DLG2: variants seen among roughly 807,000 people sequenced by gnomAD.
DLG2 encodes disks large homolog 2.
Under a neutral mutation model 132.5 loss-of-function variants are expected in DLG2, and 45 were observed. That is an observed-to-expected ratio of 0.34 (90% CI 0.27 to 0.44). The LOEUF is 0.44. Ranked by LOEUF, DLG2 falls within the 20% of genes least tolerant of loss-of-function variation. The pLI, the probability that DLG2 is intolerant of heterozygous loss-of-function variation, is 1.00. For missense variants in DLG2, 1,045 were observed against 1,196.9 expected (o/e 0.87, Z 1.87); for synonymous variants, 424 against 419.6 (o/e 1.01, Z -0.13).
intron 8 of DLG2, among the ~76,000 whole-genome samples, chr11:84,188,815 T>A (rs2096339359): frequency 6.6e-6 from 1 of 152,024 alleles, no homozygotes; most frequent in Non-Finnish European, 1.5e-5. Context: ...AGTGATTATT[T>A]ATTTAAAAAA....
At chr11:84,608,937 G>A (rs984018750) in intron 6 of DLG2, among the ~76,000 whole-genome samples, 4 of 152,170 alleles carry the variant, frequency 2.6e-5, no homozygotes, top group African/African-American at 9.7e-5. Context: ...TAGAAAGAGG[G>A]TCACACATCT....
intron 6 of DLG2, among the ~76,000 whole-genome samples, chr11:84,949,496 T>G (rs890811675): frequency 2.2e-5 from 3 of 135,456 alleles, no homozygotes; most frequent in African/African-American, 8.1e-5. Context: ...CCCTGCAGTC[T>G]CAACCATAAG....
At chr11:83,829,810 A>G (rs139097456) in intron 17 of DLG2, among the ~76,000 whole-genome samples, 1,964 of 151,898 alleles carry the variant, frequency 0.013, 54 homozygotes, top group African/African-American at 0.045. Context: ...GGTTTGTTAC[A>G]TATGTACACA....
At chr11:85,074,813 A>C (rs1349912512) in intron 6 of DLG2, among the ~76,000 whole-genome samples, 4 of 151,926 alleles carry the variant, frequency 2.6e-5, no homozygotes, top group Non-Finnish European at 5.9e-5. Context: ...GCCCTAGTAC[A>C]TGCATGAAAA....
Position 83,472,603 on chromosome 11 carries a change from G to A in DLG2, c.2344+124C>T, listed in dbSNP as rs547159974. On this transcript the variant is annotated intron_variant, in intron 23 of 27. Transcript: ENST00000376104. Reference sequence around the variant, plus strand: ...GAGAGACAGCGTAAGAGTAAGGTACGGTCTCAAGACAACAGAGCATTAAGC... The same window carrying A: ...GAGAGACAGCGTAAGAGTAAGGTACAGTCTCAAGACAACAGAGCATTAAGC... The A allele has an allele frequency of 2.2e-5, 17 of 764,242 alleles. No homozygotes were observed. In the East Asian group the frequency reaches 2.9e-4, roughly 13 times the overall value. 47.3% of individuals were successfully genotyped at this position (764,242 alleles called of 1,614,324 possible).
At chr11:84,405,065 TAAGG>T (rs1354622228) in intron 7 of DLG2, among the ~76,000 whole-genome samples, 1 of 151,974 alleles carries the variant, frequency 6.6e-6, no homozygotes, top group Non-Finnish European at 1.5e-5. Context: ...ATTCTTGTAA[TAAGG>T]AAGAGGGGGG....
At chr11:84,149,548 G>C (rs2095221380) in intron 9 of DLG2, among the ~76,000 whole-genome samples, 1 of 151,858 alleles carries the variant, frequency 6.6e-6, no homozygotes, top group Non-Finnish European at 1.5e-5. Flanking sequence ...TTTACTTCTG[G>C]GTTCTCTATG....
chr11:83,930,267 A>G (rs2079898211), intron 15 of DLG2, 61 bp downstream of exon 15: 3 of 1,587,770 alleles, frequency 1.9e-6, no homozygotes, highest in African/African-American at 2.7e-5. Flanking sequence ...GATTCTACCC[A>G]TTTATCCTTG....
chr11:83,606,547 C>G (rs2059351166), intron 19 of DLG2, among the ~76,000 whole-genome samples: 1 of 152,024 alleles, frequency 6.6e-6, no homozygotes, highest in Admixed American at 6.6e-5. Flanking sequence ...AACGTCAGCC[C>G]ATACAGTTGT....
At chr11:84,211,572 G>T (rs2096755428) in intron 8 of DLG2, among the ~76,000 whole-genome samples, 1 of 152,018 alleles carries the variant, frequency 6.6e-6, no homozygotes, top group African/African-American at 2.4e-5. Context: ...GTTTTAAAAA[G>T]GGAAAGCTTA....
chr11:84,158,789 A>G (rs535361314), intron 9 of DLG2, among the ~76,000 whole-genome samples: 8 of 151,656 alleles, frequency 5.3e-5, no homozygotes, highest in African/African-American at 2.0e-4. Flanking sequence ...TGTTAGATTA[A>G]GTTGTTTGTT....
intron 4 of DLG2, among the ~76,000 whole-genome samples, chr11:85,204,561 T>C (rs1030274907): frequency 2.0e-5 from 3 of 151,926 alleles, no homozygotes; most frequent in Non-Finnish European, 4.4e-5. Flanking sequence ...TAGAAAGATA[T>C]CCCATGCTAA....
intron 21 of DLG2, among the ~76,000 whole-genome samples, chr11:83,499,715 C>A (rs2094343494): frequency 6.7e-6 from 1 of 149,502 alleles, no homozygotes; most frequent in African/African-American, 2.5e-5. Context: ...TGCTCCTCAG[C>A]TTGCAGACTG....
At chr11:83,901,547 C>T (rs2073431281) in intron 15 of DLG2, among the ~76,000 whole-genome samples, 1 of 152,178 alleles carries the variant, frequency 6.6e-6, no homozygotes, top group South Asian at 2.1e-4. Flanking sequence ...TCTCTCTTCT[C>T]TTGTCTGGCA....
In DLG2 at chr11:85,445,549, C is replaced by T. The variant is rs73491953; in HGVS notation, c.40+153108G>A. Among the ~76,000 whole-genome samples the T allele has an allele frequency of 9.2e-3, 1,399 of 152,174 alleles. 20 individuals carry two copies. Among genetic ancestry groups the T allele is most frequent in the African/African-American group, 0.032 (1,317 of 41,526 alleles). ...CAAAAAATTAGCTGTGCATCATGGC[C>T]TGCGCCTGTAATCCCAGCTACTCAG... On this transcript the variant is annotated intron_variant, in intron 3 of 27. Coordinates refer to ENST00000376104, the MANE Select transcript of DLG2 (RefSeq NM_001142699.3).
intron 19 of DLG2, among the ~76,000 whole-genome samples, chr11:83,584,917 T>C (rs891389380): frequency 1.3e-5 from 2 of 152,222 alleles, no homozygotes; most frequent in African/African-American, 4.8e-5. Context: ...GAAATGTGCA[T>C]AAGACATGAT....
chr11:85,547,155 T>TG (rs1402673062), intron 3 of DLG2, among the ~76,000 whole-genome samples: 1 of 152,216 alleles, frequency 6.6e-6, no homozygotes, highest in Non-Finnish European at 1.5e-5. Flanking sequence ...CCATGTTTAA[T>TG]GCTTCCTTCA....
intron 11 of DLG2, among the ~76,000 whole-genome samples, chr11:84,018,144 T>G (rs1420676056): frequency 6.6e-6 from 1 of 151,990 alleles, no homozygotes; most frequent in Non-Finnish European, 1.5e-5. Flanking sequence ...TTTCTGGTCA[T>G]TATCTCTTCC....
chr11:85,321,772 T>A (rs1050857002), intron 3 of DLG2, among the ~76,000 whole-genome samples: 1 of 152,028 alleles, frequency 6.6e-6, no homozygotes, highest in Non-Finnish European at 1.5e-5. Flanking sequence ...GTCTAATCAA[T>A]GTTTAGTCAT....
Sources: allele counts gnomAD v4.1 joint callset (sites outside exome capture counted in the v4.1 genomes callset), GRCh38; gene constraint gnomAD v4.1.1; transcripts MANE v1.5; gene names NCBI Gene and HGNC (gene_info 2026-07-23, HGNC 2026-07-21).